Variants in WDR62 observed in about 807,000 individuals in gnomAD.
WDR62 encodes the protein WD repeat domain 62, also known as WD repeat-containing protein 62.
A neutral mutation model predicts 160.6 loss-of-function variants in WDR62; 112 were observed. That is an observed-to-expected ratio of 0.70 (90% CI 0.60 to 0.82). WDR62 has a LOEUF of 0.82. Ranked by LOEUF, WDR62 falls within the 40% of genes least tolerant of loss-of-function variation. The probability of loss-of-function intolerance (pLI) is 0.00; values close to 1 mark genes in which losing one functional copy is unlikely to be tolerated. For missense variants in WDR62, 1,819 were observed against 1,983.8 expected, an observed-to-expected ratio of 0.92 and a Z score of 1.58; for synonymous variants, 792 against 815.1, an observed-to-expected ratio of 0.97 and a Z score of 0.48.
Position 36,055,095 on chromosome 19 carries a change from C to G in WDR62, c.124C>G (p.Leu42Val). 6.2e-7 allele frequency: 1 copy of G among 1,605,922 alleles called. No individual in the cohort carries two copies. The stretch of plus-strand genomic sequence containing the variant: ...CCCGCCCCCCGCCCCACCAATCTGC[C>G]TACGGCGGCGGACGCGACTCTCGAC... Reference protein sequence around the residue: ...SSPPPAPPICLRRRTRLSTAS... With the variant: ...SSPPPAPPICVRRRTRLSTAS... Residue 42 changes from leucine to valine, a missense_variant, in exon 1 of 32, where the codon CTA (leucine) becomes GTA (valine). Transcript: ENST00000401500.
chr19:36,084,652 G>C lies in WDR62; in HGVS notation c.1551-1G>C. On this transcript the variant is annotated splice_acceptor_variant, in intron 11 of 31. Coordinates refer to ENST00000401500, the MANE Select transcript of WDR62 (RefSeq NM_001083961.2). LOFTEE classifies it high-confidence loss of function. ...TTCAGCGGGCGGTGTGTGTCTCCCA[G>C]GATCCACGAGCTGCACTTCATGGAC... is the stretch of plus-strand genomic sequence containing the variant. 1 of 1,613,772 alleles carries C rather than the reference G, an allele frequency of 6.2e-7. No homozygotes were observed. The highest frequency in any genetic ancestry group is 1.6e-4 in the Middle Eastern group (1 of 6,062).
chr19:36,099,503 C>T lies in WDR62; in HGVS notation c.2625C>T (p.Thr875=). ...GGGCCGGCCAAGAGCCCCTCAAGAC[C>T]ATCCTGGATGCCCAGGACCTGGATT... ...AERAGQEPLK[T]ILDAQDLDCY... is the part of the protein sequence containing the mutation. Residue 875 remains threonine, a synonymous_variant, in exon 22 of 32, where the codon ACC becomes ACT. Coordinates refer to ENST00000401500, the MANE Select transcript of WDR62 (RefSeq NM_001083961.2). The T allele has an allele frequency of 6.2e-7, 1 of 1,614,174 alleles. No individual in the cohort carries two copies. Among genetic ancestry groups the T allele is most frequent in the Admixed American group, 1.7e-5 (1 of 60,026 alleles).
chr19:36,081,284 C>CT (rs542907363), intron 9 of WDR62, 149 bp from the exon 10 acceptor site: 1,299 of 951,520 alleles, frequency 1.4e-3, no homozygotes, highest in Non-Finnish European at 1.7e-3. Context: ...ATTTTGTGTC[C>CT]TTTTTTTTTC....
In WDR62 at chr19:36,067,335, A is replaced by G; in HGVS notation, c.591A>G (p.Val197=). ...KKDIVVASNK[V]SCRVIALSFS... ...ACATCGTAGTGGCCTCCAACAAGGT[A>G]TCTTGTAGAGTCATTGCCCTCTCCT... The change falls in exon 6 of 32, where the codon GTA becomes GTG. Residue 197 remains valine, a synonymous_variant. Transcript: ENST00000401500. 6.2e-7 allele frequency: 1 copy of G among 1,614,200 alleles called. No individual in the cohort carries two copies. The highest frequency in any genetic ancestry group is 8.5e-7 in the Non-Finnish European group (1 of 1,180,036).
intron 18 of WDR62, 87 bp from the exon 19 acceptor site, chr19:36,092,602 G>A (rs928569654): frequency 6.4e-6 from 10 of 1,572,586 alleles, no homozygotes; most frequent in African/African-American, 5.4e-5. Flanking sequence ...TCCAGGCTGT[G>A]GTGTGGGTGG....
chr19:36,104,760 C>G lies in WDR62; in HGVS notation c.4312-8C>G. On this transcript the variant is annotated splice_region_variant and splice_polypyrimidine_tract_variant and intron_variant, in intron 31 of 31. Coordinates refer to ENST00000401500, the MANE Select transcript of WDR62 (RefSeq NM_001083961.2). ...GGTGGCCCCTGACAAGGCTGGCATC[C>G]CTTGCAGTTGGTCTCCAGTGGCCAG... The G allele has an allele frequency of 6.2e-7, 1 of 1,613,800 alleles. No individual in the cohort carries two copies. The highest frequency in any genetic ancestry group is 8.5e-7 in the Non-Finnish European group (1 of 1,180,034).
intron 25 of WDR62, 47 bp downstream of exon 25, chr19:36,101,821 T>C: frequency 6.6e-7 from 1 of 1,520,502 alleles, no homozygotes; most frequent in Non-Finnish European, 8.9e-7. Context: ...CGGGCCTGGC[T>C]TAGGGCCAGT....
Position 36,103,416 on chromosome 19 carries a change from G to A in WDR62, c.3588G>A (p.Thr1196=), listed in dbSNP as rs369840667. The change falls in exon 30 of 32, where the codon ACG becomes ACA. Residue 1196 remains threonine, a synonymous_variant. Coordinates refer to ENST00000401500, the MANE Select transcript of WDR62 (RefSeq NM_001083961.2). ...SVLPTDRNLP[T]PTSAPTPGLA... ...TGCCCACAGACAGGAATCTCCCAAC[G>A]CCCACATCTGCACCCACCCCAGGCC... 49 of 1,613,870 alleles carry A rather than the reference G, an allele frequency of 3.0e-5. No individual in the cohort carries two copies. The highest frequency in any genetic ancestry group is 2.5e-4 in the Admixed American group (15 of 59,992).
intron 13 of WDR62, among the ~76,000 whole-genome samples, chr19:36,087,522 AAAG>A (rs541179838): frequency 2.2e-4 from 33 of 151,812 alleles, no homozygotes; most frequent in South Asian, 1.0e-3. Flanking sequence ...AAAAAAAAAA[AAAG>A]AAGAATATAG....
In WDR62 at chr19:36,071,731, G is replaced by A; in HGVS notation, c.1043+15G>A. On this transcript the variant is annotated intron_variant, in intron 8 of 31. Transcript: ENST00000401500. ...CTGGAGCCCAGGTACTGCCCTGTGG[G>A]GAGAGGGAATGGGAGGGGCCCACCC... 1.9e-6 allele frequency: 3 copies of A among 1,606,270 alleles called. No individual in the cohort carries two copies. Among genetic ancestry groups the A allele is most frequent in the Non-Finnish European group, 2.6e-6 (3 of 1,174,372 alleles).
downstream of WDR62, among the ~76,000 whole-genome samples, chr19:36,109,240 G>A (rs1271262358): frequency 6.6e-6 from 1 of 152,100 alleles, no homozygotes; most frequent in Non-Finnish European, 1.5e-5. Flanking sequence ...ACCTTTCAGC[G>A]CTTATCCAGG....
chr19:36,063,124 T>G (rs1350864247), intron 3 of WDR62, among the ~76,000 whole-genome samples: 2 of 152,190 alleles, frequency 1.3e-5, no homozygotes, highest in Non-Finnish European at 2.9e-5. Flanking sequence ...TTTGTATTTT[T>G]AGTAGAGCTG....
rs755383348 is a variant in WDR62 at position 36,083,121 on chromosome 19, A to G, written c.1430A>G (p.His477Arg). 1 of 1,613,766 alleles carries G rather than the reference A, an allele frequency of 6.2e-7. No homozygotes were observed. The highest frequency in any genetic ancestry group is 1.1e-5 in the South Asian group (1 of 90,898). ...NDIQHLQDMS[H>R]FPDRGSENGT... The stretch of plus-strand genomic sequence containing the variant: ...ATCCAGCACCTGCAGGACATGTCAC[A>G]CTTCCCAGACCGGGGGAGCGAGAAT... The change falls in exon 11 of 32, where the codon CAC (histidine) becomes CGC (arginine). Residue 477 changes from histidine to arginine, a missense_variant. By Grantham distance (29) the His-to-Arg change is conservative. Around this residue, in one of 3 missense-constraint regions of WDR62, gnomAD observed 934 missense variants for 1,157.2 expected, o/e 0.81. Transcript: ENST00000401500.
chr19:36,104,895 AG>A lies in WDR62; in HGVS notation c.4441del (p.Ala1481LeufsTer56). ...GTGGGGACTAGTGTGGCCCCAGCCC[AG>A]GCTCTGCCCAGCCCAGGACCCCCGT... ...CLVGTSVAPA[Q>X]ALPSPGPPSP... is the part of the protein sequence containing the mutation. On this transcript the variant is annotated frameshift_variant, in exon 32 of 32. Coordinates refer to ENST00000401500, the MANE Select transcript of WDR62 (RefSeq NM_001083961.2). LOFTEE classifies it high-confidence loss of function. The A allele has an allele frequency of 6.2e-7, 1 of 1,611,678 alleles. No homozygotes were observed. The highest frequency in any genetic ancestry group is 8.5e-7 in the Non-Finnish European group (1 of 1,179,830).
intron 18 of WDR62, 105 bp downstream of exon 18, chr19:36,091,570 G>A (rs1373503440): frequency 2.6e-6 from 3 of 1,137,006 alleles, no homozygotes; most frequent in East Asian, 4.7e-5. Context: ...TGGATTGTGG[G>A]AGTCTTGGTG....
At chr19:36,079,421 G>A (rs1325835053) in intron 9 of WDR62, among the ~76,000 whole-genome samples, 1 of 152,068 alleles carries the variant, frequency 6.6e-6, no homozygotes, top group Non-Finnish European at 1.5e-5. Flanking sequence ...CCTTTTTGTG[G>A]TCCTCTTTAT....
rs1296892258 is a variant in WDR62, at chr19:36,054,950, G to A, written c.-22G>A. On this transcript the variant is annotated 5_prime_UTR_variant, in exon 1 of 32. Coordinates refer to ENST00000401500, the MANE Select transcript of WDR62 (RefSeq NM_001083961.2). ...GCAGCGGCGGTTAGGGGATGTAACG[G>A]TCGCCCGCCTCCGGCGTGACGATGG... 1 of 1,569,456 alleles carries A rather than the reference G, an allele frequency of 6.4e-7. No individual in the cohort carries two copies. The highest frequency in any genetic ancestry group is 8.6e-7 in the Non-Finnish European group (1 of 1,158,602).
intron 20 of WDR62, among the ~76,000 whole-genome samples, chr19:36,094,380 C>T (rs2145809579): frequency 6.6e-6 from 1 of 151,826 alleles, no homozygotes; most frequent in Non-Finnish European, 1.5e-5. Flanking sequence ...ATGGTGAAAC[C>T]CCGTCTCAAC....
Position 36,103,764 on chromosome 19 carries a change from C to G in WDR62, c.3936C>G (p.Pro1312=). 6.2e-7 allele frequency: 1 copy of G among 1,610,972 alleles called. No homozygotes were observed. Among genetic ancestry groups the G allele is most frequent in the Non-Finnish European group, 8.5e-7 (1 of 1,179,812 alleles). ...CCTGTGATGGGCTCCTGCAGCCCCC[C>G]GTGGATACCCAGCCTGGCGTCACCG... The part of the protein sequence containing the change: ...SSACDGLLQP[P]VDTQPGVTVP... Residue 1312 remains proline (P), a synonymous_variant, in exon 30 of 32, where the codon CCC becomes CCG. Coordinates refer to ENST00000401500, the MANE Select transcript of WDR62 (RefSeq NM_001083961.2).
Sources: allele counts gnomAD v4.1 joint callset (sites outside exome capture counted in the v4.1 genomes callset), GRCh38; gene constraint gnomAD v4.1.1; regional missense constraint gnomAD v4.1.1; transcripts MANE v1.5; gene names NCBI Gene and HGNC (gene_info 2026-07-23, HGNC 2026-07-21).